The following GRIA3 variants were observed in gnomAD, a reference collection of about 807,000 sequenced individuals.
The protein encoded by GRIA3 is glutamate receptor 3.
Under a neutral mutation model 63.0 loss-of-function variants are expected in GRIA3, and 3 were observed. That is an observed-to-expected ratio of 0.05 (90% CI 0.02 to 0.12). The LOEUF (loss-of-function observed/expected upper bound fraction) is 0.12. GRIA3 is among the 10% of genes least tolerant of loss of function. The probability of loss-of-function intolerance (pLI) is 1.00; values close to 1 mark genes in which losing one functional copy is unlikely to be tolerated. For missense variants in GRIA3, 347 were observed against 700.9 expected, an observed-to-expected ratio of 0.50 and a Z score of 5.70; for synonymous variants, 274 against 257.9, an observed-to-expected ratio of 1.06 and a Z score of -0.60.
chrX:123,195,035 GCTT>G (rs1927538186), intron 2 of GRIA3, among the ~76,000 whole-genome samples: 1 of 113,049 alleles, frequency 8.8e-6, no homozygotes, highest in Non-Finnish European at 1.9e-5. Context: ...TTTTGACAAT[GCTT>G]CTTCCTTTCT....
chrX:123,185,001 G>C (rs1274019543), intron 1 of GRIA3: 3 of 356,211 alleles, frequency 8.4e-6, no homozygotes, highest in South Asian at 7.7e-5. Flanking sequence ...TTGCCATGGC[G>C]TGCGTGCAGC....
At chrX:123,457,184 T>C (rs2045766616) in intron 12 of GRIA3, among the ~76,000 whole-genome samples, 1 of 111,228 alleles carries the variant, frequency 9.0e-6, no homozygotes, top group Non-Finnish European at 1.9e-5. Context: ...AGGCACCTTT[T>C]ATAATGCCAA....
intron 12 of GRIA3, 22 bp downstream of exon 12, chrX:123,428,161 G>C (rs1569435145): frequency 9.9e-7 from 1 of 1,007,998 alleles, no homozygotes; most frequent in African/African-American, 1.9e-5. Flanking sequence ...GCAGTTAATT[G>C]AGCCTGCTGA....
At chrX:123,231,238 A>G (rs2044274487) in intron 2 of GRIA3, among the ~76,000 whole-genome samples, 3 of 111,769 alleles carry the variant, frequency 2.7e-5, no homozygotes. Context: ...AGAACGATAA[A>G]CCCGACTTCA....
chrX:123,223,678 T>G (rs2044230207), intron 2 of GRIA3, among the ~76,000 whole-genome samples: 1 of 111,655 alleles, frequency 9.0e-6, no homozygotes, highest in African/African-American at 3.3e-5. Flanking sequence ...AATGTTTGCC[T>G]CATCTGTGGT....
intron 13 of GRIA3, among the ~76,000 whole-genome samples, chrX:123,466,020 C>T (rs1043196897): frequency 1.8e-5 from 2 of 111,947 alleles, no homozygotes; most frequent in Non-Finnish European, 3.8e-5. Context: ...CACACCCTTT[C>T]CCTTCCTTTA....
At chrX:123,420,806 T>G (rs2045560679) in intron 11 of GRIA3, among the ~76,000 whole-genome samples, 1 of 111,682 alleles carries the variant, frequency 9.0e-6, no homozygotes. Context: ...TATAGTAGAA[T>G]GTAAGCTGTG....
intron 3 of GRIA3, among the ~76,000 whole-genome samples, chrX:123,323,427 G>A (rs1004658899): frequency 1.3e-4 from 14 of 111,926 alleles, no homozygotes; most frequent in Non-Finnish European, 2.4e-4. Flanking sequence ...TCTTTATGCA[G>A]TTTTATTTTA....
In GRIA3 at chrX:123,474,312, C is replaced by T. The variant is rs781416595; in HGVS notation, c.2325-5751C>T. Reference sequence around the variant, plus strand: ...TGCTATTTACTATTTTAGGTATTTCCTGAAATTAAAACTTTAAAATAAATT... The same window carrying T: ...TGCTATTTACTATTTTAGGTATTTCTTGAAATTAAAACTTTAAAATAAATT... On this transcript the variant is annotated intron_variant, in intron 13 of 15. Coordinates refer to ENST00000620443, the MANE Select transcript of GRIA3 (RefSeq NM_007325.5). Among the ~76,000 whole-genome samples the T allele has an allele frequency of 2.7e-5, 3 of 112,255 alleles. No individual in the cohort carries two copies. In the East Asian group the frequency reaches 8.3e-4, roughly 31 times the overall value.
chrX:123,277,720 G>A (rs927918511), intron 3 of GRIA3, among the ~76,000 whole-genome samples: 1 of 112,169 alleles, frequency 8.9e-6, no homozygotes, highest in African/African-American at 3.2e-5. Flanking sequence ...CAAAGGACCT[G>A]TTCTCAAATC....
chrX:123,344,898 A>T (rs1210021087), intron 4 of GRIA3, among the ~76,000 whole-genome samples: 2 of 111,654 alleles, frequency 1.8e-5, no homozygotes, highest in Non-Finnish European at 3.8e-5. Flanking sequence ...GGTGGTTCTT[A>T]AATTTCAGTG....
intron 5 of GRIA3, among the ~76,000 whole-genome samples, chrX:123,370,668 A>C (rs2045240892): frequency 9.0e-6 from 1 of 111,201 alleles, no homozygotes; most frequent in Admixed American, 9.6e-5. Context: ...GCCTAGGAAT[A>C]ATGTATTTTA....
intron 6 of GRIA3, 61 bp from the exon 7 acceptor site, chrX:123,398,575 C>A: frequency 1.0e-6 from 1 of 986,617 alleles, no homozygotes; most frequent in Non-Finnish European, 1.4e-6. Flanking sequence ...TTATAAGAAA[C>A]AAGGCAAATT....
chrX:123,200,966 T>C (rs751642125), intron 2 of GRIA3, among the ~76,000 whole-genome samples: 1 of 111,968 alleles, frequency 8.9e-6, no homozygotes, highest in African/African-American at 3.2e-5. Context: ...TATCTCTTTC[T>C]TGTTGTATAG....
chrX:123,184,563 A>G lies in GRIA3; in HGVS notation c.28A>G (p.Ser10Gly). 1 of 1,210,029 alleles carries G rather than the reference A, an allele frequency of 8.3e-7. No homozygotes were observed. Among genetic ancestry groups the G allele is most frequent in the Non-Finnish European group, 1.1e-6 (1 of 894,422 alleles). The change falls in exon 1 of 16, where the codon AGC (serine) becomes GGC (glycine). Residue 10 changes from serine (S) to glycine (G), a missense_variant. Around this residue, in one of 8 missense-constraint regions of GRIA3, gnomAD observed 36 missense variants for 28.2 expected, o/e 1.28. Transcript: ENST00000620443. ...GGCCAGGCAGAAGAAAATGGGGCAA[A>G]GCGTGCTCCGGGCGGTCTTCTTTTT... MARQKKMGQ[S>G]VLRAVFFLVL...
At chrX:123,261,011 G>A (rs758836202) in intron 3 of GRIA3, among the ~76,000 whole-genome samples, 2 of 111,740 alleles carry the variant, frequency 1.8e-5, no homozygotes, top group Non-Finnish European at 3.8e-5. Context: ...TTAATACTTC[G>A]ATTTGCACAT....
chrX:123,212,289 A>G (rs933051982), intron 2 of GRIA3, among the ~76,000 whole-genome samples: 2 of 112,073 alleles, frequency 1.8e-5, no homozygotes, highest in Admixed American at 9.4e-5. Context: ...ATGCTAAAAA[A>G]AAAATCTTAC....
At chrX:123,479,207 G>A (rs1243639102) in intron 13 of GRIA3, among the ~76,000 whole-genome samples, 1 of 112,560 alleles carries the variant, frequency 8.9e-6, no homozygotes, top group Non-Finnish European at 1.9e-5. Context: ...CAGTGGCAGA[G>A]TCATTTTGCT....
intron 5 of GRIA3, 65 bp downstream of exon 5, chrX:123,355,028 C>A (rs935462762): frequency 3.6e-6 from 3 of 832,300 alleles, no homozygotes; most frequent in African/African-American, 2.0e-5. Flanking sequence ...TGTAATCATC[C>A]AAAAAGGAAA....
Sources: allele counts gnomAD v4.1 joint callset (sites outside exome capture counted in the v4.1 genomes callset), GRCh38; gene constraint gnomAD v4.1.1; regional missense constraint gnomAD v4.1.1; transcripts MANE v1.5; gene names NCBI Gene and HGNC (gene_info 2026-07-23, HGNC 2026-07-21).